The following CABLES1 variants were observed in gnomAD, a reference collection of about 807,000 sequenced individuals.
CABLES1 encodes CDK5 and ABL1 enzyme substrate 1.
Under a neutral mutation model 57.8 loss-of-function variants are expected in CABLES1, and 36 were observed. The ratio of observed to expected loss-of-function variants is 0.62; its 90% CI spans 0.48 to 0.82. CABLES1 has a LOEUF of 0.82. CABLES1 is among the 40% of genes least tolerant of loss of function. The pLI, the probability that CABLES1 is intolerant of heterozygous loss-of-function variation, is 0.00. For synonymous variants in CABLES1, 374 were observed against 363.0 expected (o/e 1.03, Z -0.35); for missense variants, 767 against 836.6 (o/e 0.92, Z 1.03).
At position 23,258,797 on chromosome 18, in the gene CABLES1, C is replaced by T. The variant is rs1258214143; in HGVS notation, c.*1430C>T. 1 of 152,114 alleles carries T rather than the reference C, an allele frequency of 6.6e-6. No homozygotes were observed. The highest frequency in any genetic ancestry group is 1.5e-5 in the Non-Finnish European group (1 of 68,042). 9.4% of individuals were successfully genotyped at this position (152,114 alleles called of 1,614,324 possible). A position where few individuals can be genotyped will look rare whatever the true frequency, so the allele number is the denominator to read the frequency against. The stretch of plus-strand genomic sequence containing the variant: ...CAGAGAAAGGGCGATGGAACCGAAC[C>T]GAGGGTCTGCAGCTTTCGTTAGCAG... On this transcript the variant is annotated 3_prime_UTR_variant, in exon 10 of 10. Transcript: ENST00000256925.
intron 9 of CABLES1, among the ~76,000 whole-genome samples, chr18:23,255,305 T>C (rs2048134725): frequency 7.3e-6 from 1 of 137,546 alleles, no homozygotes; most frequent in Admixed American, 7.1e-5. Context: ...AAAGACATGG[T>C]TAAGTCAGTG....
intron 6 of CABLES1, among the ~76,000 whole-genome samples, chr18:23,236,813 C>T (rs771121964): frequency 2.6e-5 from 4 of 152,182 alleles, no homozygotes; most frequent in Non-Finnish European, 4.4e-5. Context: ...GGAACCTCTT[C>T]GGGGCCACAC....
chr18:23,214,727 C>T (rs1272445575), intron 4 of CABLES1: 4 of 152,340 alleles, frequency 2.6e-5, no homozygotes, highest in East Asian at 1.9e-4. Flanking sequence ...CCACCGGTAT[C>T]GAAGTCAGGA....
chr18:23,221,446 T>C (rs1337425852), intron 4 of CABLES1, among the ~76,000 whole-genome samples: 1 of 152,250 alleles, frequency 6.6e-6, no homozygotes, highest in African/African-American at 2.4e-5. Context: ...CTCAGTGTCC[T>C]GAGTTGCAGA....
chr18:23,168,540 G>T (rs1324196668), intron 1 of CABLES1, among the ~76,000 whole-genome samples: 1 of 152,220 alleles, frequency 6.6e-6, no homozygotes, highest in Non-Finnish European at 1.5e-5. Flanking sequence ...GTGGATAATG[G>T]TGATGGCTGT....
At chr18:23,201,327 G>A (rs1175017717) in intron 3 of CABLES1, among the ~76,000 whole-genome samples, 1 of 152,202 alleles carries the variant, frequency 6.6e-6, no homozygotes, top group Non-Finnish European at 1.5e-5. Flanking sequence ...GAAGGCTGGT[G>A]TCGCCTTTGC....
intron 1 of CABLES1, among the ~76,000 whole-genome samples, chr18:23,171,333 T>C (rs1598810192): frequency 1.3e-5 from 2 of 152,326 alleles, no homozygotes; most frequent in East Asian, 3.9e-4. Context: ...GATTCCACGG[T>C]GCCTTGTAGT....
intron 1 of CABLES1, among the ~76,000 whole-genome samples, chr18:23,147,979 C>CT (rs10603023): frequency 0.011 from 834 of 78,446 alleles, 47 homozygotes; most frequent in Non-Finnish European, 0.014. Context: ...GCTTGGCCTC[C>CT]TTTTTTTTTT....
intron 3 of CABLES1, among the ~76,000 whole-genome samples, chr18:23,207,701 G>A (rs1328518698): frequency 6.9e-6 from 1 of 144,990 alleles, no homozygotes; most frequent in Non-Finnish European, 1.5e-5. Flanking sequence ...GTGTGAGGGA[G>A]GGAGGGAGGA....
chr18:23,140,975 G>A (rs1285802637), intron 1 of CABLES1, among the ~76,000 whole-genome samples: 1 of 152,184 alleles, frequency 6.6e-6, no homozygotes, highest in Non-Finnish European at 1.5e-5. Flanking sequence ...ATTTATAATC[G>A]AGGTCTGAAT....
intron 2 of CABLES1, among the ~76,000 whole-genome samples, 189 bp from the exon 3 acceptor site, chr18:23,194,259 G>A (rs1324214065): frequency 6.6e-6 from 1 of 152,064 alleles, no homozygotes; most frequent in Non-Finnish European, 1.5e-5. Context: ...TCAAGAAGTT[G>A]TCTATTATTG....
At chr18:23,183,227 C>G (rs1401718093) in intron 1 of CABLES1, among the ~76,000 whole-genome samples, 1 of 152,232 alleles carries the variant, frequency 6.6e-6, no homozygotes, top group Non-Finnish European at 1.5e-5. Flanking sequence ...TCACTCCAGC[C>G]ACAGGTTCTT....
At chr18:23,248,426 G>GC (rs2047952849) in intron 7 of CABLES1, among the ~76,000 whole-genome samples, 1 of 150,970 alleles carries the variant, frequency 6.6e-6, no homozygotes, top group Non-Finnish European at 1.5e-5. Flanking sequence ...CAGGTCTGCA[G>GC]CCCCGACCAC....
intron 7 of CABLES1, 67 bp downstream of exon 7, chr18:23,237,312 G>C (rs12185467): frequency 0.23 from 239,271 of 1,060,824 alleles, 29,650 homozygotes; most frequent in Middle Eastern, 0.29. Flanking sequence ...TTGGTGGCCG[G>C]CTGGGGGCTT....
At position 23,135,730 on chromosome 18, in the gene CABLES1, G is replaced by C; in HGVS notation, c.-33G>C. 1 of 987,100 alleles carries C rather than the reference G, an allele frequency of 1.0e-6. No individual in the cohort carries two copies. The highest frequency in any genetic ancestry group is 1.2e-6 in the Non-Finnish European group (1 of 832,646). 61.1% of individuals were successfully genotyped at this position (987,100 alleles called of 1,614,324 possible). ...CGCTCGGGCGCCGCTCGCTTCTCCG[G>C]GCATCGCGGAAATCCCGCCGCAGAC... On this transcript the variant is annotated 5_prime_UTR_variant, in exon 1 of 10. Transcript: ENST00000256925.
rs76647703 is a variant in CABLES1 at position 23,233,073 on chromosome 18, G to C, written c.1089-1535G>C. 8.9e-4 allele frequency among the ~76,000 whole-genome samples: 136 copies of C among 152,238 alleles called. 2 individuals carry two copies. The East Asian group carries it at 0.025, about 27-fold the overall frequency. On this transcript the variant is annotated intron_variant, in intron 4 of 9. Coordinates refer to ENST00000256925, the MANE Select transcript of CABLES1 (RefSeq NM_001100619.3). Reference sequence around the variant, plus strand: ...CCAGGCCACACAGCAAGTATGCTGTGGGTCTGAGGTGCCTTTGACTAACAG... The same window carrying C: ...CCAGGCCACACAGCAAGTATGCTGTCGGTCTGAGGTGCCTTTGACTAACAG...
intron 5 of CABLES1, among the ~76,000 whole-genome samples, chr18:23,235,140 C>T (rs894770011): frequency 1.3e-5 from 2 of 152,216 alleles, no homozygotes; most frequent in African/African-American, 4.8e-5. Context: ...TCACATTCCT[C>T]TTCCATCCAC....
chr18:23,216,337 G>GT (rs2047441666), intron 4 of CABLES1, among the ~76,000 whole-genome samples: 1 of 152,186 alleles, frequency 6.6e-6, no homozygotes, highest in Non-Finnish European at 1.5e-5. Context: ...CTGTTCAGCC[G>GT]TAAGTTTTTC....
At chr18:23,154,115 C>T (rs926868880) in intron 1 of CABLES1, among the ~76,000 whole-genome samples, 4 of 152,074 alleles carry the variant, frequency 2.6e-5, no homozygotes, top group Non-Finnish European at 4.4e-5. Context: ...AAAAAAAAAT[C>T]TAGAGCAAGA....
Sources: gnomAD v4.1 joint callset for allele counts (sites outside exome capture counted in the v4.1 genomes callset) on GRCh38, gnomAD v4.1.1 for gene constraint, MANE v1.5 for transcripts, NCBI Gene and HGNC (gene_info 2026-07-23, HGNC 2026-07-21) for gene names.